Variants in SLAIN2 observed in about 807,000 individuals in gnomAD.
The protein encoded by SLAIN2 is SLAIN motif-containing protein 2.
A neutral mutation model predicts 56.6 loss-of-function variants in SLAIN2; 31 were observed. That is an observed-to-expected ratio of 0.55 (90% CI 0.41 to 0.74). The LOEUF is 0.74. SLAIN2 is among the 30% of genes least tolerant of loss of function. The pLI is 0.00. For synonymous variants in SLAIN2, 317 were observed against 284.9 expected (o/e 1.11, Z -1.13); for missense variants, 777 against 754.2 (o/e 1.03, Z -0.35).
chr4:48,370,866 A>C (rs560697272), intron 2 of SLAIN2, among the ~76,000 whole-genome samples: 1 of 152,294 alleles, frequency 6.6e-6, no homozygotes, highest in South Asian at 2.1e-4. Flanking sequence ...TTATTATAGA[A>C]AACAGTATGT....
intron 1 of SLAIN2, among the ~76,000 whole-genome samples, chr4:48,353,680 A>G (rs1338921900): frequency 6.6e-6 from 1 of 152,192 alleles, no homozygotes; most frequent in Non-Finnish European, 1.5e-5. Context: ...AGTATATCTG[A>G]TGGGAAAGTT....
chr4:48,398,596 C>T (rs559744823), intron 6 of SLAIN2, among the ~76,000 whole-genome samples: 1 of 152,270 alleles, frequency 6.6e-6, no homozygotes, highest in South Asian at 2.1e-4. Flanking sequence ...ATAGTATTGC[C>T]TAGGTTTTCT....
chr4:48,361,306 G>C (rs956158686), intron 1 of SLAIN2, among the ~76,000 whole-genome samples: 2 of 152,224 alleles, frequency 1.3e-5, no homozygotes, highest in Non-Finnish European at 2.9e-5. Context: ...ATGCACAAAT[G>C]ACCTAGAAGC....
intron 2 of SLAIN2, among the ~76,000 whole-genome samples, chr4:48,376,458 A>G (rs368035888): frequency 2.1e-4 from 2 of 9,416 alleles, no homozygotes; most frequent in African/African-American, 2.7e-3. Flanking sequence ...GTCTCAGAGA[A>G]AAAAAAAAAA....
chr4:48,373,008 T>C (rs1302411385), intron 2 of SLAIN2, among the ~76,000 whole-genome samples: 1 of 152,126 alleles, frequency 6.6e-6, no homozygotes, highest in East Asian at 1.9e-4. Flanking sequence ...CTATCACTCG[T>C]TCCTAAAATT....
At chr4:48,420,094 C>CA (rs1717106206) in intron 6 of SLAIN2, 31 bp from the exon 7 acceptor site, 1 of 1,606,306 alleles carries the variant, frequency 6.2e-7, no homozygotes, top group African/African-American at 1.3e-5. Context: ...GATTTCCACT[C>CA]AAAAATTGGT....
At position 48,422,220 on chromosome 4, in the gene SLAIN2, C is replaced by G. The variant is rs1717174712; in HGVS notation, c.*143C>G. 1 of 619,878 alleles carries G rather than the reference C, an allele frequency of 1.6e-6. No individual in the cohort carries two copies. Among genetic ancestry groups the G allele is most frequent in the Admixed American group, 2.9e-5 (1 of 34,028 alleles). The allele number at this position is 619,878 out of a possible 1,614,324, so 38.4% of individuals were successfully genotyped here. On this transcript the variant is annotated 3_prime_UTR_variant, in exon 8 of 8. Transcript: ENST00000264313. Reference sequence around the variant, plus strand: ...CCCTCTCTGTCTTAATTAGCACAAACCGACAGAGATCATCAAACAGCACTT... The same window carrying G: ...CCCTCTCTGTCTTAATTAGCACAAAGCGACAGAGATCATCAAACAGCACTT...
At chr4:48,389,990 A>G (rs1716194393) in intron 6 of SLAIN2, among the ~76,000 whole-genome samples, 2 of 152,206 alleles carry the variant, frequency 1.3e-5, no homozygotes, top group African/African-American at 2.4e-5. Context: ...CTATTATTGC[A>G]TAATCTAGGC....
At chr4:48,419,621 C>G (rs1717094398) in intron 6 of SLAIN2, among the ~76,000 whole-genome samples, 1 of 152,122 alleles carries the variant, frequency 6.6e-6, no homozygotes, top group Non-Finnish European at 1.5e-5. Context: ...AATGGAAGCA[C>G]TTTTTAAAAA....
chr4:48,406,991 G>T (rs538706010), intron 6 of SLAIN2, among the ~76,000 whole-genome samples: 6 of 152,148 alleles, frequency 3.9e-5, no homozygotes, highest in South Asian at 2.1e-4. Flanking sequence ...ATTCTGAGCT[G>T]ATTTTCCCAG....
chr4:48,365,108 T>G lies in SLAIN2; in HGVS notation c.390-4741T>G, dbSNP rs538984467. 7.9e-5 allele frequency among the ~76,000 whole-genome samples: 12 copies of G among 152,246 alleles called. No homozygotes were observed. The East Asian group carries it at 2.3e-3, about 29-fold the overall frequency. The stretch of plus-strand genomic sequence containing the variant: ...TTGTGGTGATGTCCTCTCTTTTGTT[T>G]TTGGTAAGTTATATTTTCTTTTTTC... On this transcript the variant is annotated intron_variant, in intron 1 of 7. Transcript: ENST00000264313.
In SLAIN2 at chr4:48,382,856, G is replaced by A. The variant is rs1350893894; in HGVS notation, c.1151G>A (p.Arg384His). Residue 384 changes from arginine (R) to histidine (H), a missense_variant, in exon 5 of 8, where the codon CGC (arginine) becomes CAC (histidine). Coordinates refer to ENST00000264313, the MANE Select transcript of SLAIN2 (RefSeq NM_020846.2). The stretch of plus-strand genomic sequence containing the variant: ...GTGTCCCCACAGCCTATGATTAGCC[G>A]CTTACAGCAACCTCGCCTTTCACTT... ...SRVSPQPMIS[R>H]LQQPRLSLQG... 5.0e-6 allele frequency: 8 copies of A among 1,613,404 alleles called. No individual in the cohort carries two copies. Among genetic ancestry groups the A allele is most frequent in the South Asian group, 4.4e-5 (4 of 91,054 alleles).
At chr4:48,353,706 A>C (rs1041378877) in intron 1 of SLAIN2, among the ~76,000 whole-genome samples, 22 of 152,212 alleles carry the variant, frequency 1.4e-4, no homozygotes, top group African/African-American at 5.1e-4. Context: ...GCTGTGAAAC[A>C]GTGGTATGTA....
chr4:48,347,052 T>C (rs985037977), intron 1 of SLAIN2, among the ~76,000 whole-genome samples: 3 of 151,806 alleles, frequency 2.0e-5, no homozygotes, highest in African/African-American at 7.3e-5. Context: ...AACAAATACT[T>C]AGAGTACCTG....
intron 2 of SLAIN2, among the ~76,000 whole-genome samples, chr4:48,377,485 A>C (rs1296406234): frequency 6.6e-6 from 1 of 151,874 alleles, no homozygotes; most frequent in African/African-American, 2.4e-5. Context: ...GGCCCAAAGA[A>C]TATTTTTTAA....
intron 1 of SLAIN2, among the ~76,000 whole-genome samples, chr4:48,363,982 C>G (rs1439941001): frequency 7.8e-6 from 1 of 128,500 alleles, no homozygotes; most frequent in African/African-American, 2.8e-5. Flanking sequence ...GCTGACCCCC[C>G]CCACCTCCCT....
chr4:48,383,488 G>A (rs774671301), intron 5 of SLAIN2, among the ~76,000 whole-genome samples, 159 bp from the exon 6 acceptor site: 2 of 151,684 alleles, frequency 1.3e-5, no homozygotes, highest in South Asian at 2.1e-4. Flanking sequence ...ATCCTAGATC[G>A]AGTTGTTTGT....
intron 1 of SLAIN2, among the ~76,000 whole-genome samples, chr4:48,362,272 GTT>G (rs1434896486): frequency 6.6e-6 from 1 of 152,018 alleles, no homozygotes; most frequent in South Asian, 2.1e-4. Context: ...TTGTGAAAGA[GTT>G]TGTGTAGGAT....
intron 5 of SLAIN2, among the ~76,000 whole-genome samples, chr4:48,383,266 G>A (rs1312672582): frequency 6.7e-6 from 1 of 148,628 alleles, no homozygotes; most frequent in South Asian, 2.2e-4. Flanking sequence ...CTAAGTTTTT[G>A]TATTTCAGAT....
Sources: allele counts gnomAD v4.1 joint callset (sites outside exome capture counted in the v4.1 genomes callset), GRCh38; gene constraint gnomAD v4.1.1; transcripts MANE v1.5; gene names NCBI Gene and HGNC (gene_info 2026-07-23, HGNC 2026-07-21).